KMT2C: variants seen among roughly 807,000 people sequenced by gnomAD.
The protein encoded by KMT2C is lysine methyltransferase 2C, also known as histone-lysine N-methyltransferase 2C.
In KMT2C, 88 loss-of-function variants were observed where a neutral mutation model predicts 507.9. The ratio of observed to expected loss-of-function variants is 0.17; its 90% CI spans 0.15 to 0.21. KMT2C has a LOEUF of 0.21. Ranked by LOEUF, KMT2C falls within the 10% of genes least tolerant of loss-of-function variation. The pLI is 1.00. For missense variants in KMT2C, 4,954 were observed against 5,957.8 expected (o/e 0.83, Z 5.55); for synonymous variants, 2,049 against 2,080.8 (o/e 0.98, Z 0.42).
intron 18 of KMT2C, among the ~76,000 whole-genome samples, chr7:152,228,979 C>T (rs1163154267): frequency 1.3e-5 from 2 of 152,032 alleles, no homozygotes; most frequent in African/African-American, 4.8e-5. Context: ...CTGTATTACC[C>T]TATAAAATAA....
In KMT2C at chr7:152,195,972, A is replaced by G; in HGVS notation, c.4313T>C (p.Leu1438Ser). 1 of 1,609,894 alleles carries G rather than the reference A, an allele frequency of 6.2e-7. No individual in the cohort carries two copies. The highest frequency in any genetic ancestry group is 8.5e-7 in the Non-Finnish European group (1 of 1,176,978). The change falls in exon 28 of 59, where the codon TTA becomes TCA. Residue 1438 changes from leucine to serine, a missense_variant. By Grantham distance (145) the Leu-to-Ser change is moderately radical (BLOSUM62 -2). Transcript: ENST00000262189. ...TCCAAGAATGTCATCATCTGTGTTTAAAACTTCAGAAATATCAGCTAATGG... is the reference window on the plus strand; with the variant it reads ...TCCAAGAATGTCATCATCTGTGTTTGAAACTTCAGAAATATCAGCTAATGG... ...DDPLADISEV[L>S]NTDDDILGII... is the part of the protein sequence containing the mutation.
rs2129186485 is a variant in KMT2C, at chr7:152,291,089, G to A, written c.850-17222C>T. 2.0e-5 allele frequency among the ~76,000 whole-genome samples: 3 copies of A among 152,122 alleles called. No homozygotes were observed. In the South Asian group the frequency reaches 6.2e-4, roughly 32 times the overall value. Reference sequence around the variant, plus strand: ...TCACTGTTCTGCCTTGTAATTTTAGGTGAATTTGTTACAAAATATTATGAA... The same window carrying A: ...TCACTGTTCTGCCTTGTAATTTTAGATGAATTTGTTACAAAATATTATGAA... On this transcript the variant is annotated intron_variant, in intron 6 of 58. Coordinates refer to ENST00000262189, the MANE Select transcript of KMT2C (RefSeq NM_170606.3).
intron 1 of KMT2C, among the ~76,000 whole-genome samples, chr7:152,419,333 A>T (rs968619871): frequency 6.6e-6 from 1 of 152,220 alleles, no homozygotes; most frequent in Non-Finnish European, 1.5e-5. Context: ...CCTGGGCAAC[A>T]GAGCGAGACT....
intron 49 of KMT2C, among the ~76,000 whole-genome samples, chr7:152,152,247 A>G (rs2091685523): frequency 6.6e-6 from 1 of 152,280 alleles, no homozygotes; most frequent in Admixed American, 6.5e-5. Context: ...GGGCATGAAC[A>G]CCTCTGTGGG....
intron 1 of KMT2C, among the ~76,000 whole-genome samples, chr7:152,418,861 C>CAA (rs113222244): frequency 5.3e-5 from 7 of 132,228 alleles, no homozygotes; most frequent in South Asian, 2.4e-4. Context: ...AGTAGTATCA[C>CAA]AAAAAAAAAA....
intron 1 of KMT2C, among the ~76,000 whole-genome samples, chr7:152,366,180 C>T (rs116405805): frequency 6.6e-6 from 1 of 152,010 alleles, no homozygotes; most frequent in Non-Finnish European, 1.5e-5. Flanking sequence ...GAAAACAGTA[C>T]GGCAGTTTCT....
intron 6 of KMT2C, among the ~76,000 whole-genome samples, chr7:152,285,068 A>G (rs1290149389): frequency 6.6e-6 from 1 of 152,306 alleles, no homozygotes; most frequent in Non-Finnish European, 1.5e-5. Flanking sequence ...CCCAAGAAAC[A>G]TGAAAAGATA....
intron 23 of KMT2C, among the ~76,000 whole-genome samples, chr7:152,212,851 G>A (rs2094485908): frequency 6.6e-6 from 1 of 152,242 alleles, no homozygotes; most frequent in Non-Finnish European, 1.5e-5. Flanking sequence ...GACCAGCCTG[G>A]CCAACATGGC....
chr7:152,220,387 G>A, intron 23 of KMT2C, 136 bp downstream of exon 23: 1 of 701,364 alleles, frequency 1.4e-6, no homozygotes, highest in Non-Finnish European at 2.4e-6. Flanking sequence ...ATTTGGAAAT[G>A]GCAAGGGTCA....
chr7:152,353,311 G>A (rs2097128276), intron 2 of KMT2C, among the ~76,000 whole-genome samples: 1 of 152,138 alleles, frequency 6.6e-6, no homozygotes, highest in African/African-American at 2.4e-5. Context: ...TATAATCCCA[G>A]CTACTCGGGA....
chr7:152,357,596 T>A (rs906839256), intron 2 of KMT2C, among the ~76,000 whole-genome samples: 6 of 151,566 alleles, frequency 4.0e-5, no homozygotes, highest in Admixed American at 2.6e-4. Context: ...GTAGTAAAAG[T>A]AACAATATAT....
At chr7:152,213,039 C>G (rs1273711345) in intron 23 of KMT2C, among the ~76,000 whole-genome samples, 1 of 152,194 alleles carries the variant, frequency 6.6e-6, no homozygotes, top group Non-Finnish European at 1.5e-5. Context: ...CAGAGCGTGA[C>G]TCTGTCTCAA....
chr7:152,230,099 T>C (rs2095062487), intron 17 of KMT2C, 72 bp from the exon 18 acceptor site: 3 of 858,020 alleles, frequency 3.5e-6, no homozygotes, highest in East Asian at 2.4e-5. Flanking sequence ...ACTTTAAAAA[T>C]ACCTTCTTAA....
chr7:152,433,007 G>C (rs1371210286), intron 1 of KMT2C, among the ~76,000 whole-genome samples: 1 of 152,028 alleles, frequency 6.6e-6, no homozygotes, highest in African/African-American at 2.4e-5. Context: ...AATTAGCTAG[G>C]TGCGATGGCG....
At chr7:152,276,147 A>G (rs2096075522) in intron 6 of KMT2C, among the ~76,000 whole-genome samples, 1 of 152,250 alleles carries the variant, frequency 6.6e-6, no homozygotes, top group Non-Finnish European at 1.5e-5. Flanking sequence ...AAAACACTAC[A>G]TTTAGGAGAA....
Position 152,144,636 on chromosome 7 carries a change from A to C in KMT2C, c.14343+77T>G. ...TGCAGCTATGTGAAATCATTTTCAC[A>C]TACTGGACATCAATAGCTTCAGATT... On this transcript the variant is annotated intron_variant, in intron 55 of 58. Coordinates refer to ENST00000262189, the MANE Select transcript of KMT2C (RefSeq NM_170606.3). This position sits in a 1 kb window ranked among gnomAD's most constrained non-coding sequence, Gnocchi z 4.4. The C allele has an allele frequency of 1.5e-6, 2 of 1,378,560 alleles. No homozygotes were observed. Among genetic ancestry groups the C allele is most frequent in the East Asian group, 2.3e-5 (1 of 43,352 alleles). The allele number at this position is 1,378,560 out of a possible 1,614,324, so 85.4% of individuals were successfully genotyped here.
intron 1 of KMT2C, among the ~76,000 whole-genome samples, chr7:152,424,461 C>T (rs1401665033): frequency 6.6e-6 from 1 of 152,014 alleles, no homozygotes; most frequent in Non-Finnish European, 1.5e-5. Flanking sequence ...TTCACTCTGT[C>T]GCCCAGGCTT....
At chr7:152,165,738 G>T (rs896456132) in intron 42 of KMT2C, among the ~76,000 whole-genome samples, 1 of 152,124 alleles carries the variant, frequency 6.6e-6, no homozygotes, top group African/African-American at 2.4e-5. Flanking sequence ...GCCCAGGCTG[G>T]AGTGCAATGG....
Position 152,152,841 on chromosome 7 carries a change from G to A in KMT2C, c.12390C>T (p.His4130=), listed in dbSNP as rs1297213937. The change falls in exon 49 of 59, where the codon CAC becomes CAT. Residue 4130 remains histidine, a synonymous_variant. Transcript: ENST00000262189. Reference sequence around the variant, plus strand: ...GATACTCCAAACCCGGGTTGATTCTGTGGCTACTGACCAAACCCATGGATG... The same window carrying A: ...GATACTCCAAACCCGGGTTGATTCTATGGCTACTGACCAAACCCATGGATG... ...DVPSMGLVSS[H]RINPGLEYRQ... 1 of 1,614,202 alleles carries A rather than the reference G, an allele frequency of 6.2e-7. No individual in the cohort carries two copies. The highest frequency in any genetic ancestry group is 8.5e-7 in the Non-Finnish European group (1 of 1,180,030).
Sources: gnomAD v4.1 joint callset for allele counts (sites outside exome capture counted in the v4.1 genomes callset) on GRCh38, gnomAD v4.1.1 for gene constraint, Gnocchi (gnomAD v3.1) non-coding constraint, MANE v1.5 for transcripts, NCBI Gene and HGNC (gene_info 2026-07-23, HGNC 2026-07-21) for gene names.